Variants in LUZP2 observed in about 807,000 individuals in gnomAD.
LUZP2 encodes leucine zipper protein 2.
In LUZP2, 52 loss-of-function variants were observed where a neutral mutation model predicts 51.6. That is an observed-to-expected ratio of 1.01 (90% CI 0.81 to 1.27). LUZP2 has a LOEUF of 1.27. Ranked by LOEUF, LUZP2 falls within the 50% of genes most tolerant of loss-of-function variation. The probability of loss-of-function intolerance (pLI) is 0.00; values close to 1 mark genes in which losing one functional copy is unlikely to be tolerated. For missense variants in LUZP2, 436 were observed against 395.4 expected, an observed-to-expected ratio of 1.10 and a Z score of -0.87; for synonymous variants, 154 against 137.3, an observed-to-expected ratio of 1.12 and a Z score of -0.85.
chr11:24,918,131 CTGTT>C (rs1292633414), intron 7 of LUZP2, among the ~76,000 whole-genome samples: 1 of 151,920 alleles, frequency 6.6e-6, no homozygotes, highest in Non-Finnish European at 1.5e-5. Flanking sequence ...ATTTGGCTCT[CTGTT>C]TGTCTGTTAT....
At chr11:24,587,032 T>TACA (rs1853089439) in intron 1 of LUZP2, among the ~76,000 whole-genome samples, 2 of 152,130 alleles carry the variant, frequency 1.3e-5, no homozygotes, top group Non-Finnish European at 2.9e-5. Context: ...TAGGGAGATT[T>TACA]TCCTCTGATG....
intron 1 of LUZP2, among the ~76,000 whole-genome samples, chr11:24,511,334 C>G (rs377712198): frequency 2.0e-5 from 3 of 151,978 alleles, no homozygotes; most frequent in African/African-American, 7.3e-5. Flanking sequence ...CAAGAAATAT[C>G]ATTTTGTTAT....
intron 5 of LUZP2, among the ~76,000 whole-genome samples, chr11:24,877,050 C>A (rs187012701): frequency 1.3e-5 from 2 of 152,218 alleles, no homozygotes; most frequent in East Asian, 3.9e-4. Context: ...TCTCACATAG[C>A]TAAATCCAAT....
chr11:25,059,729 A>G (rs1858781671), intron 10 of LUZP2, among the ~76,000 whole-genome samples: 2 of 152,194 alleles, frequency 1.3e-5, no homozygotes. Context: ...TCATAAACAC[A>G]AAAGGAGGAG....
chr11:24,529,494 T>C (rs1382400198), intron 1 of LUZP2, among the ~76,000 whole-genome samples: 1 of 150,752 alleles, frequency 6.6e-6, no homozygotes, highest in African/African-American at 2.4e-5. Flanking sequence ...CACATTAGAG[T>C]ATAAATACAA....
intron 9 of LUZP2, among the ~76,000 whole-genome samples, chr11:25,024,702 C>G (rs182179847): frequency 6.6e-6 from 1 of 151,880 alleles, no homozygotes; most frequent in Non-Finnish European, 1.5e-5. Flanking sequence ...ATCAATATTG[C>G]GAAAATGGCC....
chr11:24,633,716 G>A (rs1039145576), intron 1 of LUZP2, among the ~76,000 whole-genome samples: 1 of 151,832 alleles, frequency 6.6e-6, no homozygotes, highest in Admixed American at 6.6e-5. Flanking sequence ...TAAGTATGAT[G>A]TTTTCTATCT....
intron 5 of LUZP2, among the ~76,000 whole-genome samples, chr11:24,876,063 C>T (rs576368998): frequency 1.3e-5 from 2 of 151,978 alleles, no homozygotes; most frequent in Admixed American, 6.6e-5. Flanking sequence ...TGTCTGTTCA[C>T]TCTGATGGTA....
intron 6 of LUZP2, 131 bp downstream of exon 6, chr11:24,906,184 A>T: frequency 2.0e-6 from 1 of 502,674 alleles, no homozygotes; most frequent in Non-Finnish European, 3.4e-6. Context: ...ATAGAAAAAT[A>T]TAATATATTT....
chr11:24,602,143 T>TATATATATGTGC (rs2133866342), intron 1 of LUZP2, among the ~76,000 whole-genome samples: 1 of 87,866 alleles, frequency 1.1e-5, no homozygotes, highest in African/African-American at 5.1e-5. Context: ...TGTATATATG[T>TATATATATGTGC]ATATATGTAT....
At chr11:24,810,818 C>G (rs1486110060) in intron 5 of LUZP2, among the ~76,000 whole-genome samples, 1 of 152,218 alleles carries the variant, frequency 6.6e-6, no homozygotes, top group East Asian at 1.9e-4. Context: ...AAAACAGCCT[C>G]ATTATACTCC....
chr11:24,859,913 A>G (rs1219619365), intron 5 of LUZP2, among the ~76,000 whole-genome samples: 1 of 143,708 alleles, frequency 7.0e-6, no homozygotes, highest in Non-Finnish European at 1.5e-5. Flanking sequence ...GCTGTCTTAC[A>G]GCCTCTCAGC....
intron 5 of LUZP2, among the ~76,000 whole-genome samples, chr11:24,863,768 C>G (rs1851807685): frequency 6.6e-6 from 1 of 152,060 alleles, no homozygotes; most frequent in South Asian, 2.1e-4. Flanking sequence ...TGGAGAAAAA[C>G]ATTCATGTTC....
chr11:24,498,482 T>G (rs1849897494), intron 1 of LUZP2, among the ~76,000 whole-genome samples: 1 of 152,194 alleles, frequency 6.6e-6, no homozygotes, highest in South Asian at 2.1e-4. Flanking sequence ...TCATTTACCC[T>G]CAATAATTGA....
At chr11:24,953,688 G>C (rs1184067023) in intron 7 of LUZP2, among the ~76,000 whole-genome samples, 1 of 151,956 alleles carries the variant, frequency 6.6e-6, no homozygotes, top group Non-Finnish European at 1.5e-5. Context: ...AAAGTGCTTT[G>C]GAAGAATATA....
chr11:24,743,457 A>C (rs1346326277), intron 4 of LUZP2, among the ~76,000 whole-genome samples: 2 of 152,022 alleles, frequency 1.3e-5, no homozygotes, highest in African/African-American at 2.4e-5. Context: ...AGCTATTATA[A>C]AAGGGGTTGA....
chr11:24,562,920 C>A (rs1337315242), intron 1 of LUZP2, among the ~76,000 whole-genome samples: 1 of 150,530 alleles, frequency 6.6e-6, no homozygotes, highest in Non-Finnish European at 1.5e-5. Context: ...ATGAGATAAG[C>A]AATGATGAAA....
chr11:24,957,690 G>A (rs1855249826), intron 7 of LUZP2, among the ~76,000 whole-genome samples: 2 of 152,000 alleles, frequency 1.3e-5, no homozygotes, highest in African/African-American at 4.8e-5. Context: ...CTTTTCAAAG[G>A]CTGAATAATA....
At chr11:24,504,009 T>A (rs1035322755) in intron 1 of LUZP2, among the ~76,000 whole-genome samples, 1 of 152,146 alleles carries the variant, frequency 6.6e-6, no homozygotes, top group African/African-American at 2.4e-5. Context: ...CTAAATAAGA[T>A]TCTAGGTCAT....
Sources: allele counts gnomAD v4.1 joint callset (sites outside exome capture counted in the v4.1 genomes callset), GRCh38; gene constraint gnomAD v4.1.1; transcripts MANE v1.5; gene names NCBI Gene and HGNC (gene_info 2026-07-23, HGNC 2026-07-21).